COL4A1: variants seen among roughly 807,000 people sequenced by gnomAD.
COL4A1 encodes the protein collagen alpha-1(IV) chain.
A neutral mutation model predicts 216.6 loss-of-function variants in COL4A1; 40 were observed. The ratio of observed to expected loss-of-function variants is 0.18; its 90% CI spans 0.14 to 0.24. The LOEUF (loss-of-function observed/expected upper bound fraction) is 0.24, where lower values mean the gene tolerates loss of function less well. COL4A1 is among the 10% of genes least tolerant of loss of function. COL4A1 has a pLI of 1.00. For synonymous variants in COL4A1, 839 were observed against 810.7 expected (o/e 1.03, Z -0.59); for missense variants, 1,628 against 2,196.8 (o/e 0.74, Z 5.18).
chr13:110,186,786 G>A (rs1047852683), intron 25 of COL4A1, among the ~76,000 whole-genome samples: 1 of 152,146 alleles, frequency 6.6e-6, no homozygotes, highest in African/African-American at 2.4e-5. Context: ...AGATACTTTA[G>A]AGAATGAGAT....
rs1020346026 is a variant in COL4A1, at chr13:110,176,668, C to T, written c.2926G>A (p.Val976Met). 2 of 1,614,104 alleles carry T rather than the reference C, an allele frequency of 1.2e-6. No homozygotes were observed. The highest frequency in any genetic ancestry group is 1.7e-6 in the Non-Finnish European group (2 of 1,180,052). ...GSRGDPGTPG[V>M]PGKDGQAGQP... is the part of the protein sequence containing the mutation. ...CCTGCCTGCCCGTCCTTTCCAGGCA[C>T]TCCTGGGGTCCCAGGGTCTCCTCGG... is the stretch of plus-strand genomic sequence containing the variant. The change falls in exon 35 of 52, where the codon GTG becomes ATG. Residue 976 changes from valine (V) to methionine (M), a missense_variant. By Grantham distance (21) the Val-to-Met change is conservative (BLOSUM62 1). This residue lies in a region of COL4A1 where 58 missense variants were observed against 132.5 expected (regional missense o/e 0.44). Transcript: ENST00000375820.
chr13:110,252,243 C>T (rs1882104762), intron 1 of COL4A1, among the ~76,000 whole-genome samples: 4 of 151,620 alleles, frequency 2.6e-5, no homozygotes, highest in South Asian at 4.2e-4. Context: ...AGGCTGGTCT[C>T]GAACTCCTGA....
chr13:110,163,273 T>C (rs1299246501), intron 47 of COL4A1, among the ~76,000 whole-genome samples, 190 bp downstream of exon 47: 1 of 152,224 alleles, frequency 6.6e-6, no homozygotes, highest in Non-Finnish European at 1.5e-5. Context: ...AATATCTGTC[T>C]CTACACAGAA....
At chr13:110,267,116 T>C (rs1156473398) in intron 1 of COL4A1, among the ~76,000 whole-genome samples, 1 of 152,158 alleles carries the variant, frequency 6.6e-6, no homozygotes, top group South Asian at 2.1e-4. Flanking sequence ...GGGCAGCGGC[T>C]GCTGAGCAGA....
intron 26 of COL4A1, among the ~76,000 whole-genome samples, chr13:110,185,205 G>T (rs775234608): frequency 2.1e-4 from 32 of 152,104 alleles, no homozygotes; most frequent in Non-Finnish European, 3.8e-4. Context: ...GAGTGCAGTG[G>T]CGAGATCTTG....
rs7318692 is a variant in COL4A1 at position 110,244,639 on chromosome 13, C to A, written c.85-1905G>T. Among the ~76,000 whole-genome samples the A allele has an allele frequency of 3.7e-3, 561 of 152,126 alleles. 5 individuals carry two copies. Among genetic ancestry groups the A allele is most frequent in the African/African-American group, 0.013 (523 of 41,472 alleles). On this transcript the variant is annotated intron_variant, in intron 1 of 51. Transcript: ENST00000375820. ...TCCCCAGGTGAGGGTCACCTGCTCC[C>A]TACCTGGCTCCTGCGAATTGCTGAC...
At chr13:110,215,435 C>T (rs1055466395) in intron 2 of COL4A1, among the ~76,000 whole-genome samples, 1 of 151,966 alleles carries the variant, frequency 6.6e-6, no homozygotes, top group Non-Finnish European at 1.5e-5. Context: ...GTGGTGCACG[C>T]CTGTAATCTC....
intron 48 of COL4A1, chr13:110,161,835 G>A (rs560371213): frequency 3.1e-6 from 1 of 325,888 alleles, no homozygotes; most frequent in African/African-American, 2.1e-5. Flanking sequence ...AGCAGCTGTA[G>A]AGAATTTCAG....
chr13:110,261,792 G>A (rs549817891), intron 1 of COL4A1, among the ~76,000 whole-genome samples: 48 of 152,298 alleles, frequency 3.2e-4, no homozygotes, highest in Non-Finnish European at 5.9e-4. Context: ...GACACTCTGC[G>A]TCCTCTGCCA....
intron 24 of COL4A1, among the ~76,000 whole-genome samples, chr13:110,189,797 G>A (rs1299470905): frequency 1.3e-5 from 2 of 152,112 alleles, no homozygotes; most frequent in East Asian, 3.9e-4. Flanking sequence ...TCCTCATTCT[G>A]TAAATCACTT....
intron 2 of COL4A1, among the ~76,000 whole-genome samples, chr13:110,229,497 A>G (rs1880906530): frequency 6.6e-6 from 1 of 152,178 alleles, no homozygotes; most frequent in South Asian, 2.1e-4. Flanking sequence ...ACATCACTGT[A>G]CGTGTCCTGC....
chr13:110,237,454 G>T (rs1341546976), intron 2 of COL4A1, among the ~76,000 whole-genome samples: 1 of 152,160 alleles, frequency 6.6e-6, no homozygotes. Context: ...TGGGGTGGGG[G>T]TGCTCCTGGC....
Position 110,211,201 on chromosome 13 carries a change from G to A in COL4A1, c.468+446C>T, listed in dbSNP as rs569230963. ...CAACATCCAGATGCCCGAGGTCCCC[G>A]CCCTGTGCCCAAGCACAGCCGACAC... On this transcript the variant is annotated intron_variant, in intron 8 of 51. Coordinates refer to ENST00000375820, the MANE Select transcript of COL4A1 (RefSeq NM_001845.6). This position sits in a 1 kb window ranked among gnomAD's most constrained non-coding sequence, Gnocchi z 4.3. 7.2e-5 allele frequency among the ~76,000 whole-genome samples: 11 copies of A among 152,242 alleles called. No individual in the cohort carries two copies. The highest frequency in any genetic ancestry group is 2.4e-4 in the African/African-American group (10 of 41,528).
intron 1 of COL4A1, among the ~76,000 whole-genome samples, chr13:110,304,139 A>G (rs1028328817): frequency 3.3e-5 from 5 of 152,094 alleles, no homozygotes; most frequent in South Asian, 2.1e-4. Flanking sequence ...CCCTAGTCCA[A>G]TTCCATCTAT....
At chr13:110,185,084 C>G (rs1450378543) in intron 26 of COL4A1, among the ~76,000 whole-genome samples, 1 of 152,226 alleles carries the variant, frequency 6.6e-6, no homozygotes, top group Non-Finnish European at 1.5e-5. Flanking sequence ...GAACGGCATG[C>G]TGTAATTGCT....
chr13:110,187,443 G>A (rs1271238939), intron 24 of COL4A1, 114 bp from the exon 25 acceptor site: 6 of 1,187,850 alleles, frequency 5.1e-6, no homozygotes, highest in Non-Finnish European at 1.2e-6. Flanking sequence ...AAATGGTCAT[G>A]CATTCATGCC....
chr13:110,170,610 G>A lies in COL4A1; in HGVS notation c.3679C>T (p.Pro1227Ser), dbSNP rs993796743. 12 of 1,611,898 alleles carry A rather than the reference G, an allele frequency of 7.4e-6. No homozygotes were observed. The highest frequency in any genetic ancestry group is 1.0e-5 in the Non-Finnish European group (12 of 1,179,024). ...PQGQPGLPGS[P>S]GHATEGPKGD... Reference sequence around the variant, plus strand: ...TTGGGCCCCTCCGTGGCATGGCCTGGGGATCCCGGTAACCCCGGCTGTCCC... The same window carrying A: ...TTGGGCCCCTCCGTGGCATGGCCTGAGGATCCCGGTAACCCCGGCTGTCCC... Residue 1227 changes from proline (P) to serine (S), a missense_variant, in exon 42 of 52, where the codon CCA becomes TCA. Coordinates refer to ENST00000375820, the MANE Select transcript of COL4A1 (RefSeq NM_001845.6).
chr13:110,200,883 G>A lies in COL4A1; in HGVS notation c.1091C>T (p.Pro364Leu), dbSNP rs755483519. The change falls in exon 20 of 52, where the codon CCA (proline) becomes CTA (leucine). Residue 364 changes from proline to leucine, a missense_variant. Physicochemically the swap from Pro to Leu is moderately conservative, Grantham distance 98. This residue lies in a region of COL4A1 where 701 missense variants were observed against 892.5 expected (regional missense o/e 0.79). Coordinates refer to ENST00000375820, the MANE Select transcript of COL4A1 (RefSeq NM_001845.6). ...PRGEPGPKGF[P>L]GLPGQPGPPG... ...AGGTCCGGGTTGGCCTGGTAGTCCT[G>A]GGAAACCTGAAAAGAGAAAGAGAGT... The A allele has an allele frequency of 7.4e-6, 12 of 1,613,980 alleles. No homozygotes were observed. The Admixed American group carries it at 1.7e-4, about 22-fold the overall frequency.
intron 50 of COL4A1, among the ~76,000 whole-genome samples, chr13:110,153,977 T>G (rs1190165267): frequency 6.6e-6 from 1 of 152,182 alleles, no homozygotes; most frequent in Non-Finnish European, 1.5e-5. Context: ...GTTACCTTGT[T>G]ATCTACCCTC....
Sources: allele counts gnomAD v4.1 joint callset (sites outside exome capture counted in the v4.1 genomes callset), GRCh38; gene constraint gnomAD v4.1.1; regional missense constraint gnomAD v4.1.1; non-coding constraint Gnocchi (gnomAD v3.1); transcripts MANE v1.5; gene names NCBI Gene and HGNC (gene_info 2026-07-23, HGNC 2026-07-21).